THBS4: variants seen among roughly 807,000 people sequenced by gnomAD.
THBS4 encodes thrombospondin 4.
Under a neutral mutation model 115.7 loss-of-function variants are expected in THBS4, and 90 were observed. That is an observed-to-expected ratio of 0.78 (90% confidence interval 0.66 to 0.93). The LOEUF (loss-of-function observed/expected upper bound fraction) is 0.93. Ranked by LOEUF, THBS4 falls within the 40% of genes least tolerant of loss-of-function variation. The pLI is 0.00. For missense variants in THBS4, 1,087 were observed against 1,232.7 expected, an observed-to-expected ratio of 0.88 and a Z score of 1.77; for synonymous variants, 460 against 479.3, an observed-to-expected ratio of 0.96 and a Z score of 0.53.
At chr5:80,022,112 C>G (rs1832389933) in intron 2 of THBS4, among the ~76,000 whole-genome samples, 1 of 152,126 alleles carries the variant, frequency 6.6e-6, no homozygotes, top group African/African-American at 2.4e-5. Flanking sequence ...CTCTTCAACC[C>G]ATTATGCTGA....
At chr5:80,065,565 C>T (rs41272278) in intron 9 of THBS4, 88 bp downstream of exon 9, 21 of 1,231,286 alleles carry the variant, frequency 1.7e-5, no homozygotes, top group Non-Finnish European at 2.4e-5. Flanking sequence ...CCAAACACAC[C>T]TAGAACATGT....
Position 80,040,617 on chromosome 5 carries a change from A to G in THBS4, c.292+337A>G, listed in dbSNP as rs549229389. 5.9e-5 allele frequency among the ~76,000 whole-genome samples: 9 copies of G among 152,380 alleles called. No individual in the cohort carries two copies. In the South Asian group the frequency reaches 1.2e-3, roughly 21 times the overall value. The stretch of plus-strand genomic sequence containing the variant: ...ATTATCTTAGGCAGCTCAGGCTGCT[A>G]TAACAAAATACCATAGACTTTGTGG... On this transcript the variant is annotated intron_variant, in intron 2 of 21. Coordinates refer to ENST00000350881, the MANE Select transcript of THBS4 (RefSeq NM_003248.6).
At chr5:80,000,942 A>G (rs1561288834) in intron 2 of THBS4, among the ~76,000 whole-genome samples, 1 of 152,116 alleles carries the variant, frequency 6.6e-6, no homozygotes, top group Non-Finnish European at 1.5e-5. Flanking sequence ...TTTTATATGT[A>G]GATGTCTTCA....
chr5:80,080,166 C>T (rs1743417852), intron 20 of THBS4, 89 bp downstream of exon 20: 1 of 1,443,630 alleles, frequency 6.9e-7, no homozygotes, highest in African/African-American at 1.4e-5. Context: ...CTGAGCAATT[C>T]TGACCTAGGA....
At chr5:80,054,946 T>C (rs1237106382) in intron 2 of THBS4, among the ~76,000 whole-genome samples, 1 of 152,194 alleles carries the variant, frequency 6.6e-6, no homozygotes, top group African/African-American at 2.4e-5. Flanking sequence ...TCCTATGTCC[T>C]TGAGCAAGTG....
Position 80,055,918 on chromosome 5 carries a change from G to T in THBS4, c.426G>T (p.Glu142Asp). 6.2e-7 allele frequency: 1 copy of T among 1,614,204 alleles called. No individual in the cohort carries two copies. Among genetic ancestry groups the T allele is most frequent in the African/African-American group, 1.3e-5 (1 of 75,046 alleles). Residue 142 changes from glutamate (E) to aspartate (D), a missense_variant, in exon 3 of 22, where the codon GAG becomes GAT. Physicochemically the swap from Glu to Asp is conservative, Grantham distance 45. Around this residue, in one of 3 missense-constraint regions of THBS4, gnomAD observed 979 missense variants for 1,103.7 expected, o/e 0.89. Coordinates refer to ENST00000350881, the MANE Select transcript of THBS4 (RefSeq NM_003248.6). ...SNLQRGAGSL[E>D]LYLDCIQVDS... ...TGCAGCGAGGGGCCGGCTCCCTAGA[G>T]CTCTACCTGGACTGCATCCAGGTGG...
intron 2 of THBS4, among the ~76,000 whole-genome samples, chr5:80,045,531 CTTTT>C (rs70982016): frequency 1.5e-5 from 2 of 135,630 alleles, no homozygotes; most frequent in Non-Finnish European, 1.6e-5. Context: ...TTTATGGAGT[CTTTT>C]TTTTTTTTTT....
intron 2 of THBS4, among the ~76,000 whole-genome samples, chr5:80,013,888 T>TA (rs1832196057): frequency 6.6e-6 from 1 of 152,224 alleles, no homozygotes; most frequent in African/African-American, 2.4e-5. Flanking sequence ...TAATAGTAGA[T>TA]ACCCCATAAC....
intron 10 of THBS4, among the ~76,000 whole-genome samples, chr5:80,069,650 C>T (rs900034909): frequency 6.6e-6 from 1 of 152,142 alleles, no homozygotes; most frequent in Non-Finnish European, 1.5e-5. Flanking sequence ...TGTATTTGTT[C>T]CTAGAGGACA....
intron 2 of THBS4, among the ~76,000 whole-genome samples, chr5:80,012,577 G>C (rs1036607873): frequency 6.6e-6 from 1 of 152,126 alleles, no homozygotes; most frequent in African/African-American, 2.4e-5. Context: ...TTCAACTAGA[G>C]GTTGAAGCTA....
upstream of THBS4, among the ~76,000 whole-genome samples, chr5:80,032,941 A>G (rs191687192): frequency 3.8e-3 from 584 of 152,088 alleles, 6 homozygotes; most frequent in Admixed American, 0.012. Context: ...TGTGCAAGCT[A>G]TTTTGCTGGG....
At chr5:80,058,656 T>C in intron 4 of THBS4, 52 bp from the exon 5 acceptor site, 1 of 1,558,006 alleles carries the variant, frequency 6.4e-7, no homozygotes. Flanking sequence ...TTGAGTCACT[T>C]AGAAATGACC....
chr5:80,076,798 G>T, intron 15 of THBS4, 57 bp from the exon 16 acceptor site: 2 of 1,382,494 alleles, frequency 1.4e-6, no homozygotes, highest in South Asian at 2.0e-5. Context: ...CCTAAAAATG[G>T]ATCCTTCCTG....
chr5:80,023,466 G>A (rs947595061), intron 2 of THBS4, among the ~76,000 whole-genome samples: 1 of 152,140 alleles, frequency 6.6e-6, no homozygotes. Context: ...AGGGTTAGGT[G>A]CCCCTTCCCT....
chr5:80,043,054 T>G (rs901048121), intron 2 of THBS4, among the ~76,000 whole-genome samples: 1 of 152,042 alleles, frequency 6.6e-6, no homozygotes. Flanking sequence ...CCCTCCAACC[T>G]ATTAGGAAAG....
At chr5:80,017,473 A>G (rs1048273638) in intron 2 of THBS4, among the ~76,000 whole-genome samples, 1 of 152,144 alleles carries the variant, frequency 6.6e-6, no homozygotes, top group Non-Finnish European at 1.5e-5. Context: ...TTAATATTTA[A>G]TAAAATCTAA....
chr5:80,012,470 CCAAA>C (rs1298161181), intron 2 of THBS4, among the ~76,000 whole-genome samples: 2 of 152,132 alleles, frequency 1.3e-5, no homozygotes, highest in East Asian at 3.9e-4. Flanking sequence ...CTCTAGAAAC[CCAAA>C]CAGAGGGAGT....
At position 80,053,406 on chromosome 5, in the gene THBS4, CTT is replaced by C. The variant is rs5869016; in HGVS notation, c.293-2366_293-2365del. On this transcript the variant is annotated intron_variant, in intron 2 of 21. Transcript: ENST00000350881. ...TTCTCACCCATACATCTTGGTGCTG[CTT>C]TTTTTTTTTTTTCTATAACCCAGGA... is the stretch of plus-strand genomic sequence containing the variant. Among the ~76,000 whole-genome samples the C allele has an allele frequency of 7.2e-3, 1,046 of 144,632 alleles. 10 individuals carry two copies. Among genetic ancestry groups the C allele is most frequent in the African/African-American group, 0.022 (885 of 39,512 alleles). 94.9% of individuals were successfully genotyped at this position (144,632 alleles called of 152,430 possible).
chr5:80,059,002 C>T (rs1013226635), intron 5 of THBS4, among the ~76,000 whole-genome samples: 11 of 152,116 alleles, frequency 7.2e-5, no homozygotes, highest in Admixed American at 5.2e-4. Context: ...CTAAGCAGAG[C>T]GGGAGCCATC....
Sources: gnomAD v4.1 joint callset for allele counts (sites outside exome capture counted in the v4.1 genomes callset) on GRCh38, gnomAD v4.1.1 for gene constraint, gnomAD v4.1.1 regional missense constraint, MANE v1.5 for transcripts, NCBI Gene and HGNC (gene_info 2026-07-23, HGNC 2026-07-21) for gene names.